Variants in EVA1C observed in about 807,000 individuals in gnomAD.
The protein encoded by EVA1C is eva-1 homolog C, also known as protein eva-1 homolog C.
A neutral mutation model predicts 45.4 loss-of-function variants in EVA1C; 25 were observed. The observed-to-expected ratio is 0.55, with a 90% confidence interval of 0.40 to 0.77. EVA1C has a LOEUF of 0.77. Among genes scored for constraint, EVA1C ranks in the 30% least tolerant of loss-of-function variants. The probability of loss-of-function intolerance (pLI) is 0.00; values close to 1 mark genes in which losing one functional copy is unlikely to be tolerated. For synonymous variants in EVA1C, 190 were observed against 221.2 expected (o/e 0.86, Z 1.25); for missense variants, 479 against 554.8 (o/e 0.86, Z 1.37).
At chr21:32,416,136 T>A (rs1009622741) in intron 1 of EVA1C, among the ~76,000 whole-genome samples, 1 of 152,024 alleles carries the variant, frequency 6.6e-6, no homozygotes, top group East Asian at 1.9e-4. Flanking sequence ...CTCATATTTT[T>A]GCCTTAAAGA....
At chr21:32,510,139 C>T (rs776482011) in intron 7 of EVA1C, among the ~76,000 whole-genome samples, 1 of 150,774 alleles carries the variant, frequency 6.6e-6, no homozygotes, top group Non-Finnish European at 1.5e-5. Flanking sequence ...ACCTCCACCT[C>T]CCAGGTTCAA....
intron 5 of EVA1C, among the ~76,000 whole-genome samples, chr21:32,500,587 C>T (rs933433857): frequency 2.6e-5 from 4 of 152,144 alleles, no homozygotes; most frequent in African/African-American, 9.7e-5. Flanking sequence ...CACAATGCCC[C>T]GAAGCTCCCT....
intron 1 of EVA1C, among the ~76,000 whole-genome samples, chr21:32,420,379 G>GA (rs1212781237): frequency 1.3e-5 from 2 of 151,720 alleles, no homozygotes; most frequent in African/African-American, 2.4e-5. Flanking sequence ...CAAGAAAAAA[G>GA]AAAAAAAATT....
chr21:32,465,338 G>T (rs1254894354), intron 3 of EVA1C, among the ~76,000 whole-genome samples: 2 of 152,122 alleles, frequency 1.3e-5, no homozygotes, highest in African/African-American at 4.8e-5. Context: ...GGTGGAAGAG[G>T]TTCTCTCTGG....
Position 32,467,799 on chromosome 21 carries a change from C to T in EVA1C, c.585C>T (p.Thr195=). The stretch of plus-strand genomic sequence containing the variant: ...ACTCTGCGACCTACGGCAGGAGGAC[C>T]CAGGAAAGGGACATCTGCTCCTCCA... ...NIYSATYGRR[T]QERDICSSKA... The change falls in exon 4 of 8, where the codon ACC becomes ACT. Residue 195 remains threonine, a synonymous_variant. Coordinates refer to ENST00000300255, the MANE Select transcript of EVA1C (RefSeq NM_058187.5). 2.5e-6 allele frequency: 4 copies of T among 1,612,874 alleles called. No homozygotes were observed. Among genetic ancestry groups the T allele is most frequent in the African/African-American group, 1.3e-5 (1 of 74,884 alleles).
intron 2 of EVA1C, among the ~76,000 whole-genome samples, chr21:32,454,564 A>G (rs571627167): frequency 6.6e-6 from 1 of 151,838 alleles, no homozygotes; most frequent in South Asian, 2.1e-4. Context: ...AACATATATA[A>G]CTAGTTGACC....
chr21:32,461,776 T>C (rs969797807), intron 3 of EVA1C, among the ~76,000 whole-genome samples: 7 of 152,220 alleles, frequency 4.6e-5, no homozygotes, highest in Non-Finnish European at 1.0e-4. Flanking sequence ...TTCCCTAATG[T>C]GCACTATGCT....
chr21:32,453,116 A>G, intron 1 of EVA1C, 196 bp from the exon 2 acceptor site: 2 of 501,914 alleles, frequency 4.0e-6, no homozygotes, highest in Non-Finnish European at 7.2e-6. Flanking sequence ...TCAACATGAA[A>G]GCTGACATTG....
At position 32,412,898 on chromosome 21, in the gene EVA1C, C is replaced by A. The variant is rs532826485; in HGVS notation, c.45C>A (p.Pro15=). The stretch of plus-strand genomic sequence containing the variant: ...CACGCCAACCGCCGACGCCCCAGCC[C>A]GTGCAGCATCCCGGCCTCCGCCGGC... ...GRARQPPTPQ[P]VQHPGLRRQV... The change falls in exon 1 of 8, where the codon CCC becomes CCA. Residue 15 remains proline (P), a synonymous_variant. Coordinates refer to ENST00000300255, the MANE Select transcript of EVA1C (RefSeq NM_058187.5). The A allele has an allele frequency of 6.6e-7, 1 of 1,513,264 alleles. No homozygotes were observed. Among genetic ancestry groups the A allele is most frequent in the Non-Finnish European group, 8.8e-7 (1 of 1,134,370 alleles). 93.7% of individuals were successfully genotyped at this position (1,513,264 alleles called of 1,614,324 possible). A position where few individuals can be genotyped will look rare whatever the true frequency, so the allele number is the denominator to read the frequency against.
chr21:32,454,717 G>A (rs1208272381), intron 2 of EVA1C, among the ~76,000 whole-genome samples: 2 of 152,044 alleles, frequency 1.3e-5, no homozygotes, highest in East Asian at 3.9e-4. Context: ...TATGGATAAA[G>A]ATACATTTGC....
chr21:32,476,252 C>T (rs1463777797), intron 4 of EVA1C, among the ~76,000 whole-genome samples: 3 of 151,884 alleles, frequency 2.0e-5, no homozygotes, highest in South Asian at 2.1e-4. Flanking sequence ...CCCCTATCCT[C>T]GGGTTTTTTG....
chr21:32,434,909 T>A (rs141961887), intron 1 of EVA1C, among the ~76,000 whole-genome samples: 276 of 152,410 alleles, frequency 1.8e-3, no homozygotes, highest in African/African-American at 6.3e-3. Flanking sequence ...AGGCATTTAA[T>A]ACAGCAGCAT....
At chr21:32,426,696 T>TC (rs2034501595) in intron 1 of EVA1C, among the ~76,000 whole-genome samples, 1 of 152,148 alleles carries the variant, frequency 6.6e-6, no homozygotes, top group Non-Finnish European at 1.5e-5. Context: ...GTCGACGGAC[T>TC]CCTCTGAAAT....
intron 3 of EVA1C, among the ~76,000 whole-genome samples, chr21:32,462,393 C>CCCTTTATT (rs1345275575): frequency 2.6e-5 from 4 of 152,088 alleles, no homozygotes; most frequent in Admixed American, 6.5e-5. Context: ...GATTTATTTA[C>CCCTTTATT]TAAATAAAGA....
At chr21:32,451,635 G>A (rs1601298804) in intron 1 of EVA1C, among the ~76,000 whole-genome samples, 1 of 152,318 alleles carries the variant, frequency 6.6e-6, no homozygotes, top group East Asian at 1.9e-4. Context: ...CTGAATCCAG[G>A]TGTTGGCAGG....
intron 4 of EVA1C, among the ~76,000 whole-genome samples, chr21:32,475,920 T>TATCTATCTA (rs1040368397): frequency 8.8e-6 from 1 of 113,248 alleles, no homozygotes; most frequent in Non-Finnish European, 1.9e-5. Flanking sequence ...TCTATCTATC[T>TATCTATCTA]ATCTATCTAT....
At chr21:32,479,005 C>A (rs1431234271) in intron 4 of EVA1C, among the ~76,000 whole-genome samples, 12 of 152,244 alleles carry the variant, frequency 7.9e-5, no homozygotes, top group Admixed American at 7.8e-4. Flanking sequence ...TCTAAATAAA[C>A]ACAGGTTGGA....
intron 6 of EVA1C, among the ~76,000 whole-genome samples, chr21:32,502,535 C>T (rs2037593826): frequency 6.6e-6 from 1 of 152,068 alleles, no homozygotes; most frequent in African/African-American, 2.4e-5. Context: ...TGCAGAGACC[C>T]CGTAGAGCAT....
In EVA1C at chr21:32,515,061, T is replaced by C. The variant is rs143660852; in HGVS notation, c.1197T>C (p.Pro399=). Residue 399 remains proline (P), a synonymous_variant, in exon 8 of 8, where the codon CCT becomes CCC. Coordinates refer to ENST00000300255, the MANE Select transcript of EVA1C (RefSeq NM_058187.5). ...ELSGFCRTSY[P]IYSSIEAAEL... is the part of the protein sequence containing the mutation. Reference sequence around the variant, plus strand: ...CGGGGTTCTGTAGGACTTCATATCCTATATACAGTTCCATAGAAGCTGCAG... The same window carrying C: ...CGGGGTTCTGTAGGACTTCATATCCCATATACAGTTCCATAGAAGCTGCAG... The C allele has an allele frequency of 1.2e-4, 192 of 1,614,178 alleles. No individual in the cohort carries two copies. The African/African-American group carries it at 2.2e-3, about 19-fold the overall frequency.
Sources: allele counts gnomAD v4.1 joint callset (sites outside exome capture counted in the v4.1 genomes callset), GRCh38; gene constraint gnomAD v4.1.1; transcripts MANE v1.5; gene names NCBI Gene and HGNC (gene_info 2026-07-23, HGNC 2026-07-21).